Variants in SPART observed in about 807,000 individuals in gnomAD.
The protein encoded by SPART is spartin, also known as spastic paraplegia 20 (Troyer syndrome).
SPART carries 35 observed loss-of-function variants against 58.7 expected under a neutral mutation model. The ratio of observed to expected loss-of-function variants is 0.60; its 90% confidence interval spans 0.46 to 0.79. The LOEUF is 0.79. Ranked by LOEUF, SPART falls within the 30% of genes least tolerant of loss-of-function variation. SPART has a pLI of 0.00. For missense variants in SPART, 730 were observed against 786.1 expected (o/e 0.93, Z 0.85); for synonymous variants, 284 against 280.7 (o/e 1.01, Z -0.12).
At chr13:36,332,578 A>G (rs1029714396) in intron 2 of SPART, among the ~76,000 whole-genome samples, 1 of 152,206 alleles carries the variant, frequency 6.6e-6, no homozygotes, top group Admixed American at 6.5e-5. Flanking sequence ...TACTAAACCC[A>G]AGAGAACCTG....
intron 1 of SPART, among the ~76,000 whole-genome samples, chr13:36,336,093 T>G (rs1206934573): frequency 6.6e-6 from 1 of 152,228 alleles, no homozygotes. Context: ...TCAGAATACA[T>G]CTATTAAATA....
At chr13:36,317,323 A>G (rs1160056201) in intron 5 of SPART, among the ~76,000 whole-genome samples, 2 of 150,602 alleles carry the variant, frequency 1.3e-5, no homozygotes, top group African/African-American at 2.5e-5. Flanking sequence ...GTACCCCTCA[A>G]CCCCTTCTCC....
rs1327076212 is a variant in SPART at position 36,303,321 on chromosome 13, T to G, written c.*1044A>C. 2 of 152,116 alleles carry G rather than the reference T, an allele frequency of 1.3e-5. No individual in the cohort carries two copies. Among genetic ancestry groups the G allele is most frequent in the Non-Finnish European group, 2.9e-5 (2 of 67,992 alleles). The allele number at this position is 152,116 out of a possible 1,614,324, so 9.4% of individuals were successfully genotyped here. On this transcript the variant is annotated 3_prime_UTR_variant, in exon 9 of 9. Transcript: ENST00000438666. The stretch of plus-strand genomic sequence containing the variant: ...TACCATTAGGTATTTAGTTACATAG[T>G]TTTTTAGCCTATGTAAGTAAATAGG...
At chr13:36,313,729 A>G (rs1018281336) in intron 6 of SPART, among the ~76,000 whole-genome samples, 1 of 152,210 alleles carries the variant, frequency 6.6e-6, no homozygotes, top group African/African-American at 2.4e-5. Context: ...GCAATAGGCT[A>G]TATCATATAG....
rs773929663 is a variant in SPART at position 36,331,566 on chromosome 13, C to T, written c.841G>A (p.Asp281Asn). 4.6e-5 allele frequency: 75 copies of T among 1,613,602 alleles called. No individual in the cohort carries two copies. In the Admixed American group the frequency reaches 1.2e-3, roughly 25 times the overall value. Residue 281 changes from aspartate (D) to asparagine (N), a missense_variant, in exon 3 of 9, where the codon GAT (aspartate) becomes AAT (asparagine). Coordinates refer to ENST00000438666, the MANE Select transcript of SPART (RefSeq NM_015087.5). ...GTACATTTCAGAACCGGAGATCTATCAGGAACTAGAGGATATAACCAGTCA... is the reference window on the plus strand; with the variant it reads ...GTACATTTCAGAACCGGAGATCTATTAGGAACTAGAGGATATAACCAGTCA... ...VCDWLYPLVP[D>N]RSPVLKCTAG...
intron 1 of SPART, among the ~76,000 whole-genome samples, chr13:36,344,448 C>A (rs1884868736): frequency 6.6e-6 from 1 of 152,008 alleles, no homozygotes; most frequent in Non-Finnish European, 1.5e-5. Context: ...CTTGCTACAT[C>A]TCCATCTTAA....
At chr13:36,343,126 C>A (rs986099362) in intron 1 of SPART, among the ~76,000 whole-genome samples, 1 of 152,124 alleles carries the variant, frequency 6.6e-6, no homozygotes, top group African/African-American at 2.4e-5. Flanking sequence ...TCATTAAAAT[C>A]CATCAAGTTT....
At chr13:36,312,617 G>T in intron 6 of SPART, 140 bp from the exon 7 acceptor site, 1 of 972,160 alleles carries the variant, frequency 1.0e-6, no homozygotes, top group Non-Finnish European at 1.5e-6. Context: ...AGGATATGAA[G>T]CTTAGAGAGG....
intron 8 of SPART, among the ~76,000 whole-genome samples, chr13:36,311,826 G>C (rs1014345631): frequency 6.6e-6 from 1 of 152,162 alleles, no homozygotes; most frequent in Non-Finnish European, 1.5e-5. Flanking sequence ...GGTGGCTTAC[G>C]CCTGTAATCC....
At position 36,326,515 on chromosome 13, in the gene SPART, T is replaced by G. The variant is rs773954325; in HGVS notation, c.1288+60A>C. 3.8e-6 allele frequency: 6 copies of G among 1,598,356 alleles called. No homozygotes were observed. In the Admixed American group the frequency reaches 8.3e-5, roughly 22 times the overall value. Reference sequence around the variant, plus strand: ...TCAGTATTCCCTAATAAACAATATCTTTATTTGGTTCCAAAGGCTTAATGT... The same window carrying G: ...TCAGTATTCCCTAATAAACAATATCGTTATTTGGTTCCAAAGGCTTAATGT... On this transcript the variant is annotated intron_variant, in intron 5 of 8. Transcript: ENST00000438666.
Position 36,364,465 on chromosome 13 carries a change from A to G in SPART, c.-3+5624T>C, listed in dbSNP as rs1885982307. Among the ~76,000 whole-genome samples the G allele has an allele frequency of 2.6e-5, 4 of 152,302 alleles. No homozygotes were observed. The South Asian group carries it at 8.3e-4, about 32-fold the overall frequency. On this transcript the variant is annotated intron_variant, in intron 1 of 8. Coordinates refer to the SPART transcript ENST00000355182. ...CATAATAAAAAGAGCCAACACTGCT[A>G]GAGCAGGTACTGTGTGCTGGATACT... is the stretch of plus-strand genomic sequence containing the variant.
At chr13:36,356,180 C>G (rs962155101) in intron 1 of SPART, among the ~76,000 whole-genome samples, 3 of 152,164 alleles carry the variant, frequency 2.0e-5, no homozygotes, top group Non-Finnish European at 4.4e-5. Context: ...TCAATTACCC[C>G]CTAGTGGTGT....
chr13:36,345,914 A>T (rs1593283005), intron 1 of SPART, among the ~76,000 whole-genome samples: 1 of 151,824 alleles, frequency 6.6e-6, no homozygotes, highest in Non-Finnish European at 1.5e-5. Context: ...CTCCGAAAGG[A>T]CTCCGCGATA....
chr13:36,339,627 CAA>C (rs71084420), intron 1 of SPART, among the ~76,000 whole-genome samples: 749 of 38,632 alleles, frequency 0.019, 5 homozygotes, highest in African/African-American at 0.076. Context: ...ACGACTCCAT[CAA>C]AAAAAAAAAA....
intron 8 of SPART, among the ~76,000 whole-genome samples, chr13:36,308,215 T>A (rs1455488718): frequency 6.6e-6 from 1 of 152,206 alleles, no homozygotes; most frequent in Non-Finnish European, 1.5e-5. Context: ...TCAATACTTT[T>A]AGTTTCTTCT....
intron 6 of SPART, among the ~76,000 whole-genome samples, chr13:36,313,427 C>T (rs144045929): frequency 6.6e-6 from 1 of 152,234 alleles, no homozygotes; most frequent in East Asian, 1.9e-4. Flanking sequence ...TTTAGTGTGG[C>T]CCAAGTGTAC....
In SPART at chr13:36,304,602, G is replaced by GT; in HGVS notation, c.1763dup (p.His588GlnfsTer18). On this transcript the variant is annotated frameshift_variant, in exon 9 of 9. Coordinates refer to ENST00000438666, the MANE Select transcript of SPART (RefSeq NM_015087.5). LOFTEE classifies it high-confidence loss of function. The stretch of plus-strand genomic sequence containing the variant: ...CATTGACCGCAGAATCCACCGCATG[G>GT]TGGGTAGCTTCTCCTGCATTATATC... 1.2e-6 allele frequency: 2 copies of GT among 1,614,036 alleles called. No homozygotes were observed. The highest frequency in any genetic ancestry group is 2.2e-5 in the South Asian group (2 of 91,076).
intron 8 of SPART, among the ~76,000 whole-genome samples, chr13:36,310,110 C>T (rs892953954): frequency 3.3e-5 from 5 of 152,118 alleles, no homozygotes; most frequent in East Asian, 3.9e-4. Flanking sequence ...CTTTACATTT[C>T]GGTTTCCTCA....
At chr13:36,338,262 AT>A (rs1275659010) in intron 1 of SPART, among the ~76,000 whole-genome samples, 1 of 152,216 alleles carries the variant, frequency 6.6e-6, no homozygotes, top group East Asian at 1.9e-4. Context: ...AATAAAACAG[AT>A]AAATAATAAA....
Sources: allele counts gnomAD v4.1 joint callset (sites outside exome capture counted in the v4.1 genomes callset), GRCh38; gene constraint gnomAD v4.1.1; transcripts MANE v1.5; gene names NCBI Gene and HGNC (gene_info 2026-07-23, HGNC 2026-07-21).